Variants in PCDH15 observed in about 807,000 individuals in gnomAD.
The protein encoded by PCDH15 is protocadherin related 15.
Under a neutral mutation model 178.5 loss-of-function variants are expected in PCDH15, and 129 were observed. The ratio of observed to expected loss-of-function variants is 0.72; its 90% CI spans 0.63 to 0.84. The LOEUF (loss-of-function observed/expected upper bound fraction) is 0.84, where lower values mean the gene tolerates loss of function less well. PCDH15 is among the 40% of genes least tolerant of loss of function. The pLI is 0.00. For synonymous variants in PCDH15, 800 were observed against 732.0 expected, an observed-to-expected ratio of 1.09 and a Z score of -1.50; for missense variants, 2,230 against 2,099.9, an observed-to-expected ratio of 1.06 and a Z score of -1.21.
intron 1 of PCDH15, among the ~76,000 whole-genome samples, chr10:55,291,305 G>A (rs1319314251): frequency 1.3e-5 from 2 of 152,184 alleles, no homozygotes; most frequent in East Asian, 3.9e-4. Context: ...TTTCATCTCT[G>A]GTTTCTCTGC....
intron 2 of PCDH15, among the ~76,000 whole-genome samples, chr10:55,602,622 G>A (rs1021078035): frequency 1.8e-4 from 27 of 152,064 alleles, no homozygotes; most frequent in African/African-American, 6.5e-4. Context: ...CCCCCAGCAG[G>A]GGCACACTGA....
chr10:54,354,081 G>A (rs960511844), intron 5 of PCDH15, among the ~76,000 whole-genome samples: 1 of 151,980 alleles, frequency 6.6e-6, no homozygotes, highest in South Asian at 2.1e-4. Context: ...CACCTCCTGG[G>A]TTCAAGCAAT....
At chr10:55,554,576 C>A (rs1284190627) in intron 2 of PCDH15, among the ~76,000 whole-genome samples, 1 of 151,912 alleles carries the variant, frequency 6.6e-6, no homozygotes, top group Non-Finnish European at 1.5e-5. Flanking sequence ...AAACACGGAT[C>A]GAAAATACAG....
intron 3 of PCDH15, among the ~76,000 whole-genome samples, chr10:54,513,664 TA>T (rs1469605956): frequency 6.6e-6 from 1 of 152,144 alleles, no homozygotes; most frequent in South Asian, 2.1e-4. Flanking sequence ...TTAATTATGT[TA>T]AAAAATCTTA....
chr10:54,789,378 C>T (rs1193932773), intron 1 of PCDH15, among the ~76,000 whole-genome samples: 1 of 151,780 alleles, frequency 6.6e-6, no homozygotes, highest in Non-Finnish European at 1.5e-5. Context: ...GCTATGTCCT[C>T]AACATCTATG....
chr10:55,490,147 T>C (rs1840380788), intron 2 of PCDH15, among the ~76,000 whole-genome samples: 1 of 151,738 alleles, frequency 6.6e-6, no homozygotes, highest in South Asian at 2.1e-4. Context: ...AAGTGTTCTA[T>C]ATAATCCTAG....
chr10:55,391,493 T>C (rs1305600797), intron 2 of PCDH15, among the ~76,000 whole-genome samples: 1 of 151,618 alleles, frequency 6.6e-6, no homozygotes, highest in Non-Finnish European at 1.5e-5. Flanking sequence ...TGCTTCTTTT[T>C]TGGGGGGTGG....
chr10:55,264,701 A>G (rs2132239224), intron 1 of PCDH15, among the ~76,000 whole-genome samples: 1 of 152,228 alleles, frequency 6.6e-6, no homozygotes, highest in Non-Finnish European at 1.5e-5. Context: ...AACCACTGGG[A>G]CTGTTTTGAC....
chr10:54,622,164 C>T (rs1009883376), intron 2 of PCDH15, among the ~76,000 whole-genome samples: 3 of 151,724 alleles, frequency 2.0e-5, no homozygotes, highest in Non-Finnish European at 4.4e-5. Flanking sequence ...CCATCCCTGT[C>T]ATAGGAAGAG....
intron 3 of PCDH15, among the ~76,000 whole-genome samples, chr10:54,435,932 T>G (rs191174718): frequency 6.6e-6 from 1 of 150,716 alleles, no homozygotes; most frequent in Non-Finnish European, 1.5e-5. Context: ...ATCGTGCCAC[T>G]GCACTCCAGC....
At chr10:55,255,348 A>T (rs996141357) in intron 1 of PCDH15, among the ~76,000 whole-genome samples, 1 of 152,184 alleles carries the variant, frequency 6.6e-6, no homozygotes, top group African/African-American at 2.4e-5. Context: ...AATCCAGTCT[A>T]TCATTGTTGG....
chr10:54,776,155 T>C (rs1277340272), intron 1 of PCDH15, among the ~76,000 whole-genome samples: 1 of 152,196 alleles, frequency 6.6e-6, no homozygotes, highest in Non-Finnish European at 1.5e-5. Flanking sequence ...TGTCATATTT[T>C]CTTTATTCAG....
rs1841053906 is a variant in PCDH15 at position 53,804,830 on chromosome 10, C to G, written c.*1749G>C. 1 of 151,902 alleles carries G rather than the reference C, an allele frequency of 6.6e-6. No individual in the cohort carries two copies. The highest frequency in any genetic ancestry group is 1.5e-5 in the Non-Finnish European group (1 of 67,900). 9.4% of individuals were successfully genotyped at this position (151,902 alleles called of 1,614,324 possible). On this transcript the variant is annotated 3_prime_UTR_variant, in exon 38 of 38. Coordinates refer to ENST00000644397, the MANE Select transcript of PCDH15 (RefSeq NM_001384140.1). ...AAAATTTAATGTGCATATAAACCACCTTAGGATCTTTTGAAAATGTGGATG... is the reference window on the plus strand; with the variant it reads ...AAAATTTAATGTGCATATAAACCACGTTAGGATCTTTTGAAAATGTGGATG...
At chr10:55,550,023 T>G (rs1841972966) in intron 2 of PCDH15, among the ~76,000 whole-genome samples, 1 of 152,126 alleles carries the variant, frequency 6.6e-6, no homozygotes, top group Admixed American at 6.6e-5. Context: ...CCATCTTCTC[T>G]TTGAGGCCTG....
At chr10:55,350,276 C>T (rs908094821) in intron 2 of PCDH15, among the ~76,000 whole-genome samples, 375 of 122,262 alleles carry the variant, frequency 3.1e-3, no homozygotes, top group African/African-American at 8.5e-3. Context: ...TATACACACA[C>T]ACACACACAC....
chr10:54,396,400 C>A (rs1220510474), intron 3 of PCDH15, among the ~76,000 whole-genome samples: 4 of 152,116 alleles, frequency 2.6e-5, no homozygotes, highest in African/African-American at 9.7e-5. Context: ...ATGAAATACA[C>A]GTCAATAAAC....
intron 2 of PCDH15, among the ~76,000 whole-genome samples, chr10:54,955,284 TTTG>T (rs930808311): frequency 2.6e-5 from 4 of 151,242 alleles, no homozygotes; most frequent in African/African-American, 9.7e-5. Flanking sequence ...GAAAAGAACT[TTTG>T]TTCTTTTGTT....
At chr10:55,202,285 G>T (rs1840275044) in intron 1 of PCDH15, among the ~76,000 whole-genome samples, 1 of 151,984 alleles carries the variant, frequency 6.6e-6, no homozygotes, top group African/African-American at 2.4e-5. Context: ...AAATACTTTT[G>T]CCAGGATTTG....
intron 2 of PCDH15, among the ~76,000 whole-genome samples, chr10:54,925,010 C>G (rs561911118): frequency 1.2e-4 from 19 of 152,210 alleles, no homozygotes; most frequent in African/African-American, 4.3e-4. Context: ...TCATCATGAA[C>G]TATTTTCCCA....
Sources: allele counts gnomAD v4.1 joint callset (sites outside exome capture counted in the v4.1 genomes callset), GRCh38; gene constraint gnomAD v4.1.1; transcripts MANE v1.5; gene names NCBI Gene and HGNC (gene_info 2026-07-23, HGNC 2026-07-21).